ADAMTSL1: variants seen among roughly 807,000 people sequenced by gnomAD.
ADAMTSL1 encodes ADAMTS-like protein 1.
ADAMTSL1 carries 126 observed loss-of-function variants against 201.8 expected under a neutral mutation model. The ratio of observed to expected loss-of-function variants is 0.62; its 90% CI spans 0.54 to 0.72. The LOEUF (loss-of-function observed/expected upper bound fraction) is 0.72, where lower values mean the gene tolerates loss of function less well. Ranked by LOEUF, ADAMTSL1 falls within the 30% of genes least tolerant of loss-of-function variation. The pLI, the probability that ADAMTSL1 is intolerant of heterozygous loss-of-function variation, is 0.00. For missense variants in ADAMTSL1, 2,679 were observed against 2,277.8 expected (o/e 1.18, Z -3.59); for synonymous variants, 1,121 against 903.4 (o/e 1.24, Z -4.32).
chr9:18,862,124 C>T (rs1481389108), intron 23 of ADAMTSL1, among the ~76,000 whole-genome samples: 6 of 152,162 alleles, frequency 3.9e-5, no homozygotes, highest in African/African-American at 1.2e-4. Flanking sequence ...TCCCGGGATA[C>T]GTGCTAGGAA....
chr9:18,026,772 T>G (rs970374086), intron 1 of ADAMTSL1, among the ~76,000 whole-genome samples: 3 of 152,032 alleles, frequency 2.0e-5, no homozygotes, highest in Non-Finnish European at 4.4e-5. Flanking sequence ...ATAGTTTCAG[T>G]AGGATTGATA....
At chr9:17,917,944 A>G (rs1386778532) in intron 1 of ADAMTSL1, among the ~76,000 whole-genome samples, 1 of 151,944 alleles carries the variant, frequency 6.6e-6, no homozygotes, top group East Asian at 1.9e-4. Flanking sequence ...TGTTGAATTC[A>G]TTGGTGTAAA....
chr9:18,020,296 A>T (rs1208104783), intron 1 of ADAMTSL1, among the ~76,000 whole-genome samples: 2 of 152,094 alleles, frequency 1.3e-5, no homozygotes, highest in Admixed American at 1.3e-4. Flanking sequence ...ATTCAATTTT[A>T]ACAAATATAG....
intron 2 of ADAMTSL1, among the ~76,000 whole-genome samples, chr9:18,401,517 T>C (rs1817983453): frequency 6.6e-6 from 1 of 152,204 alleles, no homozygotes; most frequent in South Asian, 2.1e-4. Flanking sequence ...AGAGGGACAG[T>C]ATCTGAAGAG....
rs576742972 is a variant in ADAMTSL1 at position 17,919,514 on chromosome 9, T to C, written c.87+12592T>C. Among the ~76,000 whole-genome samples, 10 of 152,188 alleles carry C rather than the reference T, an allele frequency of 6.6e-5. No individual in the cohort carries two copies. In the East Asian group the frequency reaches 1.3e-3, roughly 21 times the overall value. ...CCACCCTAGCCTAAACAACCACTTA[T>C]CTACCTTCTTAATACATTTCCATGT... On this transcript the variant is annotated intron_variant, in intron 1 of 29. Transcript: ENST00000680146.
intron 1 of ADAMTSL1, among the ~76,000 whole-genome samples, chr9:18,076,160 A>C (rs1049781482): frequency 2.0e-5 from 3 of 152,212 alleles, no homozygotes; most frequent in Non-Finnish European, 2.9e-5. Flanking sequence ...CCGTGGTTTC[A>C]CGTTTTATTT....
In ADAMTSL1 at chr9:18,753,428, C is replaced by T. The variant is rs200086377; in HGVS notation, c.2137C>T (p.Arg713Cys). Residue 713 changes from arginine to cysteine, a missense_variant, in exon 16 of 29, where the codon CGC (arginine) becomes TGC (cysteine). Coordinates refer to ENST00000380548, the MANE Select transcript of ADAMTSL1 (RefSeq NM_001040272.6). ...AGTCATCCTGGCTGATGAGCTGTGT[C>T]GCCAGCCCAAGCCCAGCACGGTGCA... ...ETVILADELCRQPKPSTVQAC... is the reference protein window; with the variant it reads ...ETVILADELCCQPKPSTVQAC... 2.0e-5 allele frequency: 32 copies of T among 1,613,272 alleles called. No homozygotes were observed. The highest frequency in any genetic ancestry group is 2.7e-5 in the African/African-American group (2 of 74,884).
intron 1 of ADAMTSL1, among the ~76,000 whole-genome samples, chr9:18,098,805 T>TCCA (rs1379220437): frequency 6.6e-6 from 1 of 152,158 alleles, no homozygotes; most frequent in Admixed American, 6.5e-5. Flanking sequence ...TGAATTCTGA[T>TCCA]CCATGCATTG....
At chr9:18,768,455 C>CTTTTTT (rs10659731) in intron 16 of ADAMTSL1, among the ~76,000 whole-genome samples, 6 of 116,994 alleles carry the variant, frequency 5.1e-5, no homozygotes, top group East Asian at 2.5e-4. Context: ...TGAGCCTCAG[C>CTTTTTT]TTTTTTTTTT....
intron 2 of ADAMTSL1, among the ~76,000 whole-genome samples, chr9:18,183,209 A>T (rs569043006): frequency 1.3e-5 from 2 of 152,326 alleles, no homozygotes; most frequent in East Asian, 3.9e-4. Context: ...CATAGACCTT[A>T]CACCCTTCAC....
At chr9:18,030,097 C>G (rs1489871786) in intron 1 of ADAMTSL1, among the ~76,000 whole-genome samples, 3 of 152,186 alleles carry the variant, frequency 2.0e-5, no homozygotes, top group African/African-American at 7.2e-5. Context: ...CACATGCACA[C>G]ATATGTTTAT....
chr9:18,591,575 A>C (rs1284248339), intron 4 of ADAMTSL1, among the ~76,000 whole-genome samples: 1 of 152,018 alleles, frequency 6.6e-6, no homozygotes, highest in African/African-American at 2.4e-5. Flanking sequence ...TTTTCTTGTG[A>C]TTTTGTAACC....
chr9:17,929,197 T>G (rs4961612), intron 1 of ADAMTSL1, among the ~76,000 whole-genome samples: 149,665 of 152,242 alleles, frequency 0.98, 73,577 homozygotes, highest in East Asian at 1. Context: ...ACAGAAATTG[T>G]ACCATGGCAC....
chr9:18,247,004 T>C (rs532554787), intron 2 of ADAMTSL1, among the ~76,000 whole-genome samples: 1 of 152,322 alleles, frequency 6.6e-6, no homozygotes, highest in South Asian at 2.1e-4. Context: ...CATGCAGTCA[T>C]ACATTTTCTA....
chr9:18,439,191 T>A (rs1819886734), intron 2 of ADAMTSL1, among the ~76,000 whole-genome samples: 1 of 152,068 alleles, frequency 6.6e-6, no homozygotes, highest in African/African-American at 2.4e-5. Context: ...CTCATCATGG[T>A]CTAGAAACAA....
chr9:18,813,581 T>C (rs1001183586), intron 20 of ADAMTSL1, among the ~76,000 whole-genome samples: 15 of 152,258 alleles, frequency 9.9e-5, no homozygotes, highest in Non-Finnish European at 2.9e-5. Flanking sequence ...TTTGTAGCTA[T>C]TGTAAATGGG....
At chr9:18,538,002 AAGGAGGAGG>A (rs1005052717) in intron 3 of ADAMTSL1, among the ~76,000 whole-genome samples, 1 of 151,498 alleles carries the variant, frequency 6.6e-6, no homozygotes, top group African/African-American at 2.4e-5. Flanking sequence ...GAAGAAGAAG[AAGGAGGAGG>A]AGGAGGAGAA....
intron 23 of ADAMTSL1, among the ~76,000 whole-genome samples, chr9:18,838,708 T>C (rs1395582119): frequency 6.6e-6 from 1 of 151,674 alleles, no homozygotes; most frequent in Non-Finnish European, 1.5e-5. Flanking sequence ...TGCAGGCCTG[T>C]AGTCCAAGCT....
At chr9:18,253,487 G>T (rs994607256) in intron 2 of ADAMTSL1, among the ~76,000 whole-genome samples, 2 of 152,062 alleles carry the variant, frequency 1.3e-5, no homozygotes, top group Admixed American at 1.3e-4. Context: ...TCTAAAAATA[G>T]AATGAAAACT....
Sources: allele counts gnomAD v4.1 joint callset (sites outside exome capture counted in the v4.1 genomes callset), GRCh38; gene constraint gnomAD v4.1.1; transcripts MANE v1.5; gene names NCBI Gene and HGNC (gene_info 2026-07-23, HGNC 2026-07-21).